Variants in CACNA1C observed in about 807,000 individuals in gnomAD.
CACNA1C encodes voltage-dependent L-type calcium channel subunit alpha-1C.
Under a neutral mutation model 229.0 loss-of-function variants are expected in CACNA1C, and 30 were observed. That is an observed-to-expected ratio of 0.13 (90% CI 0.10 to 0.18). The LOEUF (loss-of-function observed/expected upper bound fraction) is 0.18, where lower values mean the gene tolerates loss of function less well. Among genes scored for constraint, CACNA1C ranks in the 10% least tolerant of loss-of-function variants. CACNA1C has a pLI of 1.00. For synonymous variants in CACNA1C, 1,114 were observed against 1,132.5 expected (o/e 0.98, Z 0.33); for missense variants, 1,658 against 2,845.0 (o/e 0.58, Z 9.49).
intron 9 of CACNA1C, among the ~76,000 whole-genome samples, chr12:2,528,174 A>G (rs1166056740): frequency 6.6e-6 from 1 of 152,216 alleles, no homozygotes; most frequent in Non-Finnish European, 1.5e-5. Context: ...GGAGCCAGAG[A>G]AAAGCAGGCA....
intron 3 of CACNA1C, among the ~76,000 whole-genome samples, chr12:2,385,887 G>A (rs995267494): frequency 3.3e-5 from 5 of 152,232 alleles, no homozygotes; most frequent in African/African-American, 1.2e-4. Flanking sequence ...GTGTCCTACA[G>A]CTGGAACCAG....
chr12:2,077,228 T>C (rs548855547), intron 1 of CACNA1C, among the ~76,000 whole-genome samples: 5 of 152,372 alleles, frequency 3.3e-5, no homozygotes, highest in African/African-American at 1.2e-4. Flanking sequence ...TGTTTCATAA[T>C]GGGGTATCCC....
intron 30 of CACNA1C, among the ~76,000 whole-genome samples, chr12:2,644,166 G>A (rs368197620): frequency 5.3e-5 from 8 of 152,190 alleles, no homozygotes; most frequent in Non-Finnish European, 7.3e-5. Flanking sequence ...TCAGAGGTGC[G>A]TGGAATCTTA....
Position 2,556,992 on chromosome 12 carries a change from C to A in CACNA1C, c.1508+15C>A. The A allele has an allele frequency of 6.2e-7, 1 of 1,609,120 alleles. No homozygotes were observed. The highest frequency in any genetic ancestry group is 8.5e-7 in the Non-Finnish European group (1 of 1,175,560). On this transcript the variant is annotated intron_variant, in intron 11 of 46. Transcript: ENST00000399655. ...TCAAAGTTCAGGTGAGTGAGACTCA[C>A]GCTGCTCTTCCTTCCTTCTGCCACC...
intron 3 of CACNA1C, among the ~76,000 whole-genome samples, chr12:2,158,513 C>T (rs114018251): frequency 0.014 from 2,080 of 151,554 alleles, 39 homozygotes; most frequent in African/African-American, 0.046. Context: ...GGCGATGGAG[C>T]AAGACTCTGT....
At chr12:2,260,099 C>T (rs959806337) in intron 3 of CACNA1C, among the ~76,000 whole-genome samples, 4 of 152,224 alleles carry the variant, frequency 2.6e-5, no homozygotes, top group South Asian at 2.1e-4. Flanking sequence ...GGAAGACCGA[C>T]ATCCTGCACC....
chr12:2,468,135 G>A (rs1473226565), intron 5 of CACNA1C, among the ~76,000 whole-genome samples: 1 of 152,230 alleles, frequency 6.6e-6, no homozygotes, highest in East Asian at 1.9e-4. Context: ...GAGTTTCACT[G>A]AGAGGTTACT....
In CACNA1C at chr12:2,285,084, C is replaced by A. The variant is rs2238058; in HGVS notation, c.478-163892C>A. ...CTCTCCTGCTCTCTGGGAGGAGGGACGGGCCGCTAAGTGCTGACGGCAGCC... is the reference window on the plus strand; with the variant it reads ...CTCTCCTGCTCTCTGGGAGGAGGGAAGGGCCGCTAAGTGCTGACGGCAGCC... On this transcript the variant is annotated intron_variant, in intron 3 of 46. Coordinates refer to ENST00000399655, the MANE Select transcript of CACNA1C (RefSeq NM_000719.7). This position sits in a 1 kb window ranked among gnomAD's most constrained non-coding sequence, Gnocchi z 4.2. Among the ~76,000 whole-genome samples the A allele has an allele frequency of 1.7e-4, 26 of 152,106 alleles. No individual in the cohort carries two copies. Among genetic ancestry groups the A allele is most frequent in the African/African-American group, 6.3e-4 (26 of 41,420 alleles).
chr12:2,351,336 T>C (rs1262916957), intron 3 of CACNA1C, among the ~76,000 whole-genome samples: 3 of 152,182 alleles, frequency 2.0e-5, no homozygotes, highest in Non-Finnish European at 2.9e-5. Context: ...CCTTGCCCAG[T>C]GCTCAGAGAG....
intron 3 of CACNA1C, among the ~76,000 whole-genome samples, chr12:2,374,588 C>T (rs902729422): frequency 2.2e-4 from 33 of 152,296 alleles, no homozygotes; most frequent in African/African-American, 7.2e-4. Context: ...ATTGGTAGAG[C>T]GGTCAGGGCT....
chr12:2,320,612 G>A (rs2095934411), intron 3 of CACNA1C, among the ~76,000 whole-genome samples: 1 of 152,230 alleles, frequency 6.6e-6, no homozygotes, highest in South Asian at 2.1e-4. Flanking sequence ...GAGAAGGGGA[G>A]GGCTGGTTTC....
intron 1 of CACNA1C, among the ~76,000 whole-genome samples, chr12:2,031,989 G>A (rs901956389): frequency 2.5e-4 from 22 of 88,472 alleles, no homozygotes; most frequent in African/African-American, 2.0e-3. Context: ...GTGTGTGAGT[G>A]TGTTTGTGTG....
chr12:2,135,324 A>G (rs1324836049), intron 3 of CACNA1C, among the ~76,000 whole-genome samples: 15 of 146,806 alleles, frequency 1.0e-4, no homozygotes, highest in East Asian at 8.0e-4. Context: ...GTCATTCTCC[A>G]TCCAGCTTTG....
intron 30 of CACNA1C, among the ~76,000 whole-genome samples, chr12:2,635,157 C>T (rs77780135): frequency 0.079 from 11,968 of 152,120 alleles, 620 homozygotes; most frequent in Admixed American, 0.11. Context: ...CACCTGCCAC[C>T]CCTGCCCTCG....
intron 1 of CACNA1C, among the ~76,000 whole-genome samples, chr12:2,025,904 T>G (rs778750095): frequency 6.6e-6 from 1 of 152,146 alleles, no homozygotes. Flanking sequence ...AGACAAATAA[T>G]TCCCCTGTGT....
chr12:2,299,629 G>A (rs1336626325), intron 3 of CACNA1C, among the ~76,000 whole-genome samples: 1 of 152,152 alleles, frequency 6.6e-6, no homozygotes, highest in Non-Finnish European at 1.5e-5. Flanking sequence ...ACCTCTGAGG[G>A]TAGGAATGAA....
At chr12:2,459,713 A>C (rs2370516) in intron 5 of CACNA1C, among the ~76,000 whole-genome samples, 3,955 of 152,262 alleles carry the variant, frequency 0.026, 159 homozygotes, top group African/African-American at 0.088. Flanking sequence ...GGAAGGGAGG[A>C]TGACAGTGAC....
At chr12:2,277,899 A>G (rs545618473) in intron 3 of CACNA1C, among the ~76,000 whole-genome samples, 6 of 152,360 alleles carry the variant, frequency 3.9e-5, no homozygotes, top group South Asian at 2.1e-4. Flanking sequence ...GGTCCTGAGC[A>G]TGCGGCATTA....
chr12:2,135,470 T>C (rs2093216412), intron 3 of CACNA1C, among the ~76,000 whole-genome samples: 1 of 137,206 alleles, frequency 7.3e-6, no homozygotes, highest in Admixed American at 7.2e-5. Flanking sequence ...GATGGTGATG[T>C]ACAGATGGGT....
Sources: allele counts gnomAD v4.1 joint callset (sites outside exome capture counted in the v4.1 genomes callset), GRCh38; gene constraint gnomAD v4.1.1; non-coding constraint Gnocchi (gnomAD v3.1); transcripts MANE v1.5; gene names NCBI Gene and HGNC (gene_info 2026-07-23, HGNC 2026-07-21).